PCAT7: variants seen among roughly 807,000 people sequenced by gnomAD.
The protein encoded by PCAT7 is prostate cancer associated transcript 7 (non-protein coding).
intron 2 of PCAT7, chr9:94,567,312 A>C: frequency 1.2e-6 from 2 of 1,614,198 alleles, no homozygotes; most frequent in South Asian, 2.2e-5. Flanking sequence ...TGGTGGCCGC[A>C]TCAAAATACT....
chr9:94,555,855 G>T (rs1827000022), intron 1 of PCAT7, among the ~76,000 whole-genome samples: 1 of 151,666 alleles, frequency 6.6e-6, no homozygotes, highest in Admixed American at 6.6e-5. Flanking sequence ...GAGGGAGCAG[G>T]GAAAGAAGTT....
At chr9:94,560,729 T>C (rs1424762319) in intron 2 of PCAT7, among the ~76,000 whole-genome samples, 2 of 147,982 alleles carry the variant, frequency 1.4e-5, no homozygotes, top group South Asian at 4.2e-4. Context: ...TTATATAATA[T>C]ATATTTACAT....
intron 3 of PCAT7, among the ~76,000 whole-genome samples, chr9:94,573,883 C>T (rs1031465942): frequency 6.6e-6 from 1 of 152,156 alleles, no homozygotes; most frequent in African/African-American, 2.4e-5. Flanking sequence ...CTGGAAGAGA[C>T]TGAATAATCT....
chr9:94,570,822 G>T (rs1827261497), intron 2 of PCAT7: 1 of 152,176 alleles, frequency 6.6e-6, no homozygotes, highest in Non-Finnish European at 1.5e-5. Flanking sequence ...GCACTAACAC[G>T]TGAACTCCAC....
At chr9:94,559,286 GA>G in intron 2 of PCAT7, 2 of 659,514 alleles carry the variant, frequency 3.0e-6, no homozygotes, top group Non-Finnish European at 5.1e-6. Flanking sequence ...CCGAGCTTTA[GA>G]GCCTACAGCA....
At chr9:94,571,486 G>A (rs144416702) in intron 2 of PCAT7, 583 of 1,613,390 alleles carry the variant, frequency 3.6e-4, no homozygotes, top group Non-Finnish European at 4.7e-4. Context: ...AGAGGTCCAC[G>A]CCTTGCCCTG....
intron 2 of PCAT7, among the ~76,000 whole-genome samples, chr9:94,561,352 A>ACTTTTTTTT (rs1827097696): frequency 9.1e-5 from 5 of 54,984 alleles, no homozygotes; most frequent in Admixed American, 6.3e-4. Context: ...TGTGACCTGT[A>ACTTTTTTTT]TTTTTTTTTT....
intron 2 of PCAT7, among the ~76,000 whole-genome samples, chr9:94,564,174 A>C (rs553145941): frequency 1.1e-4 from 17 of 152,248 alleles, no homozygotes; most frequent in Non-Finnish European, 2.5e-4. Context: ...AACCAGAAAA[A>C]TATACATTCT....
At chr9:94,561,460 T>C (rs1827101758) in intron 2 of PCAT7, among the ~76,000 whole-genome samples, 1 of 142,964 alleles carries the variant, frequency 7.0e-6, no homozygotes, top group African/African-American at 2.6e-5. Context: ...CCTCCCAGGT[T>C]CACGCCATTC....
At chr9:94,560,427 A>G (rs1827079510) in intron 2 of PCAT7, among the ~76,000 whole-genome samples, 2 of 152,146 alleles carry the variant, frequency 1.3e-5, no homozygotes, top group African/African-American at 4.8e-5. Context: ...CTCACAACAC[A>G]CACCCCCATC....
At chr9:94,562,523 G>A (rs997709252) in intron 2 of PCAT7, among the ~76,000 whole-genome samples, 5 of 152,116 alleles carry the variant, frequency 3.3e-5, no homozygotes, top group African/African-American at 1.2e-4. Context: ...TTCATGTGCT[G>A]TGTGAGATCT....
chr9:94,567,432 G>A (rs773632380), intron 2 of PCAT7: 10 of 1,602,374 alleles, frequency 6.2e-6, no homozygotes, highest in Non-Finnish European at 7.6e-6. Flanking sequence ...AGAGATGCCA[G>A]GAAGAAGAGA....
At chr9:94,559,776 G>A (rs896591306) in intron 2 of PCAT7, among the ~76,000 whole-genome samples, 2 of 152,106 alleles carry the variant, frequency 1.3e-5, no homozygotes, top group African/African-American at 4.8e-5. Context: ...TTTAATGCCT[G>A]GCTTCCTCTC....
chr9:94,559,517 G>C (rs1189939827), intron 2 of PCAT7, among the ~76,000 whole-genome samples: 1 of 149,634 alleles, frequency 6.7e-6, no homozygotes, highest in East Asian at 1.9e-4. Flanking sequence ...CCTCAAGGCT[G>C]GTAAAGAGTC....
intron 2 of PCAT7, chr9:94,571,628 T>A: frequency 6.3e-7 from 1 of 1,596,082 alleles, no homozygotes; most frequent in Admixed American, 1.7e-5. Flanking sequence ...ATAAATGCCA[T>A]GTGTTATTGT....
At chr9:94,562,130 T>A (rs1222991107) in intron 2 of PCAT7, among the ~76,000 whole-genome samples, 1 of 151,656 alleles carries the variant, frequency 6.6e-6, no homozygotes, top group East Asian at 2.0e-4. Context: ...GCTAACATGG[T>A]GAAACCCCGT....
Position 94,571,658 on chromosome 9 carries a change from T to G in PCAT7, n.442-1321T>G, listed in dbSNP as rs1205543979. The G allele has an allele frequency of 3.3e-6, 5 of 1,497,464 alleles. No individual in the cohort carries two copies. The African/African-American group carries it at 7.0e-5, about 21-fold the overall frequency. The allele number at this position is 1,497,464 out of a possible 1,614,324, so 92.8% of individuals were successfully genotyped here. On this transcript the variant is annotated intron_variant and non_coding_transcript_variant, in intron 2 of 8. Transcript: ENST00000647389. Reference sequence around the variant, plus strand: ...TATTGTTGTCTCTGGAGAGAACACTTTGCCAGGGGCCTGGGCTTCAGATCT... The same window carrying G: ...TATTGTTGTCTCTGGAGAGAACACTGTGCCAGGGGCCTGGGCTTCAGATCT...
upstream of PCAT7, among the ~76,000 whole-genome samples, chr9:94,554,752 C>G (rs1375067893): frequency 1.3e-5 from 2 of 152,224 alleles, no homozygotes; most frequent in Non-Finnish European, 2.9e-5. Flanking sequence ...CCGTCACCAC[C>G]ACCACCAACA....
chr9:94,557,153 C>T (rs1460746790), intron 1 of PCAT7, among the ~76,000 whole-genome samples: 3 of 152,170 alleles, frequency 2.0e-5, no homozygotes, highest in Non-Finnish European at 4.4e-5. Context: ...ATTTTGAAAT[C>T]AGGTAGTGTG....
Sources: allele counts gnomAD v4.1 joint callset (sites outside exome capture counted in the v4.1 genomes callset), GRCh38; gene constraint gnomAD v4.1.1; transcripts MANE v1.5; gene names NCBI Gene and HGNC (gene_info 2026-07-23, HGNC 2026-07-21).